AOPEP: variants seen among roughly 807,000 people sequenced by gnomAD.
The protein encoded by AOPEP is aminopeptidase O (putative).
Under a neutral mutation model 98.1 loss-of-function variants are expected in AOPEP, and 77 were observed. That is an observed-to-expected ratio of 0.78 (90% confidence interval 0.65 to 0.95). The LOEUF is 0.95. Ranked by LOEUF, AOPEP falls within the 40% of genes least tolerant of loss-of-function variation. AOPEP has a pLI of 0.00. For synonymous variants in AOPEP, 346 were observed against 365.3 expected, an observed-to-expected ratio of 0.95 and a Z score of 0.60; for missense variants, 1,024 against 1,024.7, an observed-to-expected ratio of 1.00 and a Z score of 0.01.
intron 6 of AOPEP, among the ~76,000 whole-genome samples, chr9:94,928,008 A>C (rs2054619894): frequency 6.6e-6 from 1 of 152,226 alleles, no homozygotes; most frequent in Non-Finnish European, 1.5e-5. Flanking sequence ...CGCTGGAAAC[A>C]GTCCTTAACA....
chr9:95,129,868 C>T, the AOPEP span, among the ~76,000 whole-genome samples: 2 of 152,110 alleles, frequency 1.3e-5, no homozygotes, highest in Admixed American at 6.5e-5. Flanking sequence ...TGTATAGACC[C>T]GATTGTTCTG....
the AOPEP span, among the ~76,000 whole-genome samples, chr9:95,132,180 G>C: frequency 6.6e-6 from 1 of 152,182 alleles, no homozygotes; most frequent in Admixed American, 6.5e-5. Context: ...GCAAATGGGA[G>C]GGCATGAGAA....
intron 13 of AOPEP, among the ~76,000 whole-genome samples, chr9:95,045,014 C>T (rs2065711263): frequency 6.6e-6 from 1 of 152,174 alleles, no homozygotes; most frequent in South Asian, 2.1e-4. Flanking sequence ...TATATTCATG[C>T]TCAGAAACAG....
the AOPEP span, chr9:95,123,919 A>C: frequency 9.7e-6 from 4 of 412,180 alleles, no homozygotes; most frequent in Admixed American, 3.3e-5. Context: ...GAGAAAAATA[A>C]AATGGAAATT....
At chr9:94,763,077 G>T in intron 2 of AOPEP, 1 of 438,600 alleles carries the variant, frequency 2.3e-6, no homozygotes, top group Admixed American at 2.8e-5. Context: ...AGTTATACCC[G>T]CTCTAAGTTC....
At chr9:94,851,315 C>CT (rs1282774223) in intron 5 of AOPEP, among the ~76,000 whole-genome samples, 1 of 152,130 alleles carries the variant, frequency 6.6e-6, no homozygotes, top group Non-Finnish European at 1.5e-5. Context: ...TAAGAGCCTC[C>CT]TTTAATCAGG....
intron 5 of AOPEP, among the ~76,000 whole-genome samples, chr9:94,858,485 C>T (rs1348307157): frequency 6.6e-6 from 1 of 152,198 alleles, no homozygotes; most frequent in Non-Finnish European, 1.5e-5. Flanking sequence ...CACACTCCCT[C>T]CTGAGATTCC....
intron 13 of AOPEP, among the ~76,000 whole-genome samples, chr9:95,009,694 G>A (rs2062344170): frequency 6.6e-6 from 1 of 152,148 alleles, no homozygotes; most frequent in Non-Finnish European, 1.5e-5. Context: ...GGTGCAAATG[G>A]TTTCCAACAA....
At chr9:94,771,350 G>A (rs1004468369) in intron 2 of AOPEP, among the ~76,000 whole-genome samples, 1 of 152,200 alleles carries the variant, frequency 6.6e-6, no homozygotes, top group African/African-American at 2.4e-5. Context: ...TGACTCAGAA[G>A]TTGAGGAGCT....
chr9:94,761,961 T>C (rs1416684986), intron 2 of AOPEP, among the ~76,000 whole-genome samples: 1 of 152,222 alleles, frequency 6.6e-6, no homozygotes, highest in Admixed American at 6.5e-5. Flanking sequence ...ATAGTTTTTA[T>C]ACTCCTAGAT....
At chr9:95,113,050 G>A in the AOPEP span, among the ~76,000 whole-genome samples, 23 of 152,212 alleles carry the variant, frequency 1.5e-4, no homozygotes, top group African/African-American at 4.6e-4. Context: ...TCCTGTCCCC[G>A]AGTTAAGATT....
chr9:95,045,491 TC>T (rs1490107652), intron 13 of AOPEP, among the ~76,000 whole-genome samples: 4 of 152,238 alleles, frequency 2.6e-5, no homozygotes, highest in Non-Finnish European at 5.9e-5. Context: ...CCTGAGTTTT[TC>T]TAAAGCCTTC....
chr9:95,043,115 C>G (rs945015198), intron 13 of AOPEP, among the ~76,000 whole-genome samples: 3 of 152,000 alleles, frequency 2.0e-5, no homozygotes, highest in African/African-American at 4.8e-5. Context: ...GCCACCTCAT[C>G]TACACAAAAA....
intron 13 of AOPEP, among the ~76,000 whole-genome samples, chr9:95,043,639 C>T (rs1206153935): frequency 6.6e-6 from 1 of 151,506 alleles, no homozygotes; most frequent in Non-Finnish European, 1.5e-5. Context: ...TTTGTGCACA[C>T]ATCTGTATAA....
At chr9:94,904,573 A>G (rs890511158) in intron 5 of AOPEP, 6 of 152,156 alleles carry the variant, frequency 3.9e-5, no homozygotes, top group East Asian at 1.9e-4. Context: ...GTCCTATTAC[A>G]TATTTCATAC....
intron 1 of AOPEP, among the ~76,000 whole-genome samples, chr9:94,757,383 T>C (rs550912980): frequency 1.3e-5 from 2 of 152,340 alleles, no homozygotes; most frequent in African/African-American, 4.8e-5. Flanking sequence ...GACAAACGTT[T>C]CATCACTTAA....
intron 5 of AOPEP, among the ~76,000 whole-genome samples, chr9:94,922,931 T>C (rs968791666): frequency 3.9e-5 from 6 of 151,996 alleles, no homozygotes; most frequent in Middle Eastern, 3.4e-3. Flanking sequence ...GCTGTGGGAG[T>C]GGAAGAAAAA....
intron 5 of AOPEP, among the ~76,000 whole-genome samples, chr9:94,869,380 A>AGTGAATGCCCTATTTCTAGCTTGGGTG (rs2046070375): frequency 6.6e-6 from 1 of 152,218 alleles, no homozygotes; most frequent in Non-Finnish European, 1.5e-5. Context: ...GTTGACTGTT[A>AGTGAATGCCCTATTTCTAGCTTGGGTG]GTGAATGCCC....
chr9:94,805,355 T>G lies in AOPEP; in HGVS notation c.1364+4353T>G, dbSNP rs556265807. 7.2e-5 allele frequency among the ~76,000 whole-genome samples: 11 copies of G among 152,232 alleles called. No individual in the cohort carries two copies. The South Asian group carries it at 2.3e-3, about 32-fold the overall frequency. On this transcript the variant is annotated intron_variant, in intron 5 of 16. Transcript: ENST00000375315. ...AAGGGAGAAGTCTCAGATCACCACG[T>G]TTTCTTCCCCTGGCAGCTGTTGATT...
Sources: allele counts gnomAD v4.1 joint callset (sites outside exome capture counted in the v4.1 genomes callset), GRCh38; gene constraint gnomAD v4.1.1; transcripts MANE v1.5; gene names NCBI Gene and HGNC (gene_info 2026-07-23, HGNC 2026-07-21).